CORO2A: variants seen among roughly 807,000 people sequenced by gnomAD.
CORO2A encodes the protein coronin 2A.
In CORO2A, 47 loss-of-function variants were observed where a neutral mutation model predicts 62.4. The ratio of observed to expected loss-of-function variants is 0.75; its 90% CI spans 0.60 to 0.96. The LOEUF (loss-of-function observed/expected upper bound fraction) is 0.96, where lower values mean the gene tolerates loss of function less well. Among genes scored for constraint, CORO2A ranks in the 40% least tolerant of loss-of-function variants. The pLI is 0.00. For synonymous variants in CORO2A, 273 were observed against 268.9 expected (o/e 1.02, Z -0.15); for missense variants, 610 against 684.1 (o/e 0.89, Z 1.21).
intron 11 of CORO2A, among the ~76,000 whole-genome samples, chr9:98,125,709 ATTTTTTTTTTTTTT>A (rs993617176): frequency 1.1e-5 from 1 of 89,586 alleles, no homozygotes; most frequent in African/African-American, 4.7e-5. Context: ...GTTTCCCACC[ATTTTTTTTTTTTTT>A]TTTTTTTTTT....
chr9:98,128,784 G>A, intron 8 of CORO2A, 65 bp from the exon 9 acceptor site: 1 of 1,353,716 alleles, frequency 7.4e-7, no homozygotes, highest in Non-Finnish European at 1.1e-6. Flanking sequence ...TAGGGCCAAA[G>A]CCAGGCTGCA....
chr9:98,144,439 C>CTCACACCATGGT (rs1420446695), intron 2 of CORO2A, among the ~76,000 whole-genome samples: 10 of 152,254 alleles, frequency 6.6e-5, no homozygotes, highest in East Asian at 3.9e-4. Context: ...TCTTGCTGTC[C>CTCACACCATGGT]TCACACCATG....
intron 1 of CORO2A, among the ~76,000 whole-genome samples, chr9:98,177,213 C>A (rs111850348): frequency 6.6e-6 from 1 of 152,128 alleles, no homozygotes; most frequent in Non-Finnish European, 1.5e-5. Context: ...GCAGCCCCCA[C>A]GATGTGAGGG....
In CORO2A at chr9:98,129,771, G is replaced by A. The variant is rs768949334; in HGVS notation, c.967+23C>T. 8.9e-6 allele frequency: 14 copies of A among 1,573,476 alleles called. No individual in the cohort carries two copies. In the South Asian group the frequency reaches 1.2e-4, roughly 14 times the overall value. ...CCCGAAGTGCTGGGATTACAGGCAT[G>A]AACTTCAGTGTCCCTCACTTACCGA... is the stretch of plus-strand genomic sequence containing the variant. On this transcript the variant is annotated intron_variant, in intron 8 of 11. Transcript: ENST00000375077.
intron 1 of CORO2A, among the ~76,000 whole-genome samples, chr9:98,158,778 G>A (rs1014837928): frequency 2.0e-5 from 3 of 152,070 alleles, no homozygotes; most frequent in African/African-American, 7.2e-5. Context: ...AGATAGAACA[G>A]TTTGGGGGAA....
chr9:98,163,713 T>G (rs566350434), intron 1 of CORO2A, among the ~76,000 whole-genome samples: 47 of 137,498 alleles, frequency 3.4e-4, no homozygotes, highest in Admixed American at 6.5e-4. Context: ...ACATGCGGGG[T>G]GTGTGTGTGT....
rs143707767 is a variant in CORO2A at position 98,185,611 on chromosome 9, G to A, written c.-1+6948C>T. Reference sequence around the variant, plus strand: ...GGTGTGAAAGGGAGGTTGGCAGGAGGGGGCTCTGTCTGCAGTGGGCTCAAT... The same window carrying A: ...GGTGTGAAAGGGAGGTTGGCAGGAGAGGGCTCTGTCTGCAGTGGGCTCAAT... On this transcript the variant is annotated intron_variant, in intron 1 of 11. Transcript: ENST00000375077. Among the ~76,000 whole-genome samples, 508 of 152,292 alleles carry A rather than the reference G, an allele frequency of 3.3e-3. 5 individuals carry two copies. The highest frequency in any genetic ancestry group is 0.012 in the African/African-American group (488 of 41,562).
intron 11 of CORO2A, among the ~76,000 whole-genome samples, chr9:98,125,709 ATTTTTTTTTT>A (rs993617176): frequency 7.8e-5 from 7 of 89,586 alleles, no homozygotes; most frequent in South Asian, 8.2e-4. Context: ...GTTTCCCACC[ATTTTTTTTTT>A]TTTTTTTTTT....
At chr9:98,128,104 C>T in intron 10 of CORO2A, 66 bp downstream of exon 10, 1 of 1,344,604 alleles carries the variant, frequency 7.4e-7, no homozygotes, top group Non-Finnish European at 1.1e-6. Flanking sequence ...CTCTCAATTG[C>T]TTGGGGCCAC....
At chr9:98,170,036 C>G (rs12551204) in intron 1 of CORO2A, among the ~76,000 whole-genome samples, 16,403 of 152,286 alleles carry the variant, frequency 0.11, 1,132 homozygotes, top group Admixed American at 0.21. Flanking sequence ...CTATTTGTCT[C>G]TGTGCCGTAG....
In CORO2A at chr9:98,157,619, A is replaced by G. The variant is rs1827824015; in HGVS notation, c.42T>C (p.His14=). Residue 14 remains histidine (H), a synonymous_variant, in exon 2 of 12, where the codon CAT becomes CAC. Transcript: ENST00000375077. ...HPQYRSSKFR[H]VFGKPASKEN... ...CCTTGCTGGCTGGTTTGCCAAAGAC[A>G]TGACGGAACTTGGAGCTCCGGTACT... The G allele has an allele frequency of 1.9e-6, 3 of 1,613,844 alleles. No individual in the cohort carries two copies. Among genetic ancestry groups the G allele is most frequent in the African/African-American group, 1.3e-5 (1 of 74,904 alleles).
intron 2 of CORO2A, among the ~76,000 whole-genome samples, chr9:98,148,489 T>C (rs1030437152): frequency 2.2e-4 from 34 of 151,524 alleles, no homozygotes; most frequent in African/African-American, 7.5e-4. Context: ...GGCTCATACC[T>C]GTAATTCCAG....
chr9:98,128,604 T>C lies in CORO2A; in HGVS notation c.1080+3A>G, dbSNP rs1369514204. ...CCTCCCATGCGGTCCCGACTGCCCT[T>C]ACCCGCCGGGGCACAATCATGGAGA... On this transcript the variant is annotated splice_donor_region_variant and intron_variant, in intron 9 of 11. Coordinates refer to ENST00000375077, the MANE Select transcript of CORO2A (RefSeq NM_052820.4). The C allele has an allele frequency of 1.2e-6, 2 of 1,613,624 alleles. No individual in the cohort carries two copies. The highest frequency in any genetic ancestry group is 1.7e-6 in the Non-Finnish European group (2 of 1,179,548).
intron 1 of CORO2A, among the ~76,000 whole-genome samples, chr9:98,190,831 T>C (rs1286788042): frequency 6.6e-6 from 1 of 152,224 alleles, no homozygotes. Flanking sequence ...GCTGGGCTCA[T>C]GGGCCAGCAC....
At chr9:98,162,858 C>T (rs1469254822) in intron 1 of CORO2A, among the ~76,000 whole-genome samples, 1 of 152,246 alleles carries the variant, frequency 6.6e-6, no homozygotes, top group Non-Finnish European at 1.5e-5. Context: ...TACAAGCAGG[C>T]ACTTGCCCAC....
intron 1 of CORO2A, among the ~76,000 whole-genome samples, chr9:98,166,844 A>G (rs1459857406): frequency 1.3e-5 from 2 of 152,158 alleles, no homozygotes; most frequent in African/African-American, 4.8e-5. Context: ...AACCTTCAAA[A>G]GGAAGAAAAC....
chr9:98,126,025 C>T (rs1046015311), intron 11 of CORO2A, among the ~76,000 whole-genome samples: 2 of 129,454 alleles, frequency 1.5e-5, no homozygotes, highest in African/African-American at 3.0e-5. Flanking sequence ...GTCACCTGGT[C>T]CCCACCATCT....
intron 2 of CORO2A, among the ~76,000 whole-genome samples, chr9:98,150,624 C>T (rs1387265841): frequency 6.6e-6 from 1 of 152,146 alleles, no homozygotes; most frequent in East Asian, 1.9e-4. Flanking sequence ...TGTTAGTACC[C>T]ATTTACACCG....
chr9:98,144,462 A>T lies in CORO2A; in HGVS notation c.202-6774T>A, dbSNP rs73655198. On this transcript the variant is annotated intron_variant, in intron 2 of 11. Coordinates refer to ENST00000375077, the MANE Select transcript of CORO2A (RefSeq NM_052820.4). The stretch of plus-strand genomic sequence containing the variant: ...TCCTCACACCATGGTTATCATCATC[A>T]TCATACAGGCCTTTCACTGAGGACA... Among the ~76,000 whole-genome samples, 904 of 152,284 alleles carry T rather than the reference A, an allele frequency of 5.9e-3. 6 individuals are homozygous for T. The highest frequency in any genetic ancestry group is 0.021 in the African/African-American group (868 of 41,540).
Sources: gnomAD v4.1 joint callset for allele counts (sites outside exome capture counted in the v4.1 genomes callset) on GRCh38, gnomAD v4.1.1 for gene constraint, MANE v1.5 for transcripts, NCBI Gene and HGNC (gene_info 2026-07-23, HGNC 2026-07-21) for gene names.